Variants in RSBN1L observed in about 807,000 individuals in gnomAD.
The protein encoded by RSBN1L is lysine-specific demethylase RSBN1L.
A neutral mutation model predicts 67.7 loss-of-function variants in RSBN1L; 30 were observed. The ratio of observed to expected loss-of-function variants is 0.44; its 90% CI spans 0.33 to 0.60. The LOEUF (loss-of-function observed/expected upper bound fraction) is 0.60. RSBN1L is among the 20% of genes least tolerant of loss of function. RSBN1L has a pLI of 0.02. For synonymous variants in RSBN1L, 433 were observed against 387.0 expected, an observed-to-expected ratio of 1.12 and a Z score of -1.39; for missense variants, 992 against 1,031.7, an observed-to-expected ratio of 0.96 and a Z score of 0.53.
chr7:77,765,658 A>G (rs369971649), intron 4 of RSBN1L, 26 bp downstream of exon 4: 10 of 1,514,040 alleles, frequency 6.6e-6, no homozygotes, highest in Non-Finnish European at 7.1e-6. Context: ...TCATGGGATT[A>G]GAGTTTTTTT....
At chr7:77,746,668 G>A (rs1489532046) in intron 2 of RSBN1L, among the ~76,000 whole-genome samples, 1 of 152,124 alleles carries the variant, frequency 6.6e-6, no homozygotes, top group African/African-American at 2.4e-5. Context: ...AGTCTCATTT[G>A]AGACAAGGCC....
At chr7:77,700,061 C>T (rs550586280) in intron 1 of RSBN1L, among the ~76,000 whole-genome samples, 2 of 152,238 alleles carry the variant, frequency 1.3e-5, no homozygotes, top group Non-Finnish European at 2.9e-5. Flanking sequence ...TCCCAAAGTG[C>T]TGAGATTACA....
chr7:77,705,726 G>A (rs1014354362), intron 1 of RSBN1L, among the ~76,000 whole-genome samples: 7 of 151,720 alleles, frequency 4.6e-5, no homozygotes, highest in African/African-American at 1.2e-4. Context: ...TGACCAGGCT[G>A]GTCTTGAACT....
intron 1 of RSBN1L, among the ~76,000 whole-genome samples, chr7:77,715,933 T>A (rs1791042662): frequency 6.6e-6 from 1 of 152,198 alleles, no homozygotes; most frequent in South Asian, 2.1e-4. Flanking sequence ...AAAGTGTCTG[T>A]TATTGGGTTG....
At chr7:77,745,178 T>C (rs1270308625) in intron 2 of RSBN1L, among the ~76,000 whole-genome samples, 3 of 152,002 alleles carry the variant, frequency 2.0e-5, no homozygotes, top group African/African-American at 7.3e-5. Context: ...GGAGAATCAC[T>C]TGAACCCGGG....
intron 1 of RSBN1L, among the ~76,000 whole-genome samples, chr7:77,718,653 G>T (rs1053652018): frequency 6.6e-6 from 1 of 152,122 alleles, no homozygotes; most frequent in Admixed American, 6.5e-5. Flanking sequence ...TGCATGTCTT[G>T]TATATACTTA....
chr7:77,728,614 C>T (rs1791236726), intron 1 of RSBN1L, among the ~76,000 whole-genome samples: 1 of 152,214 alleles, frequency 6.6e-6, no homozygotes, highest in Non-Finnish European at 1.5e-5. Context: ...CCTGGGCTGT[C>T]TCTAGCTGCC....
intron 1 of RSBN1L, among the ~76,000 whole-genome samples, chr7:77,701,994 G>T (rs1173433820): frequency 6.8e-6 from 1 of 147,456 alleles, no homozygotes; most frequent in Non-Finnish European, 1.5e-5. Flanking sequence ...TTTTTGAGAC[G>T]GTCTTGTACT....
intron 2 of RSBN1L, among the ~76,000 whole-genome samples, chr7:77,742,180 A>AAAAACAC (rs1554340015): frequency 1.2e-5 from 1 of 82,178 alleles, no homozygotes. Flanking sequence ...AAAAAAAAAA[A>AAAAACAC]ATACACACAC....
At chr7:77,728,776 T>G (rs1386521589) in intron 1 of RSBN1L, among the ~76,000 whole-genome samples, 3 of 152,124 alleles carry the variant, frequency 2.0e-5, no homozygotes, top group African/African-American at 7.2e-5. Flanking sequence ...TCTTGGGGGA[T>G]TTTTCTATGG....
intron 1 of RSBN1L, among the ~76,000 whole-genome samples, chr7:77,719,286 T>G (rs1221348065): frequency 6.6e-6 from 1 of 151,412 alleles, no homozygotes; most frequent in Non-Finnish European, 1.5e-5. Flanking sequence ...ATGTAGAACT[T>G]TAATTGGTTG....
rs1376414798 is a variant in RSBN1L, at chr7:77,696,802, C to T, written c.333C>T (p.Ala111=). The T allele has an allele frequency of 6.2e-7, 1 of 1,613,650 alleles. No homozygotes were observed. Among genetic ancestry groups the T allele is most frequent in the Non-Finnish European group, 8.5e-7 (1 of 1,180,016 alleles). ...RSSFSFSAGT[A]VPSSASASLS... ...GTTTCTCTTTCTCCGCTGGCACGGCCGTTCCCTCCTCAGCCTCCGCTTCCT... is the reference window on the plus strand; with the variant it reads ...GTTTCTCTTTCTCCGCTGGCACGGCTGTTCCCTCCTCAGCCTCCGCTTCCT... Residue 111 remains alanine, a synonymous_variant, in exon 1 of 8, where the codon GCC becomes GCT. Coordinates refer to ENST00000334955, the MANE Select transcript of RSBN1L (RefSeq NM_198467.3).
chr7:77,746,160 A>G (rs764933098), intron 2 of RSBN1L, among the ~76,000 whole-genome samples: 6 of 152,190 alleles, frequency 3.9e-5, no homozygotes, highest in Non-Finnish European at 8.8e-5. Flanking sequence ...TCGCACTTCT[A>G]TAAAGAAGTA....
intron 2 of RSBN1L, among the ~76,000 whole-genome samples, chr7:77,745,661 G>A (rs1052399567): frequency 2.6e-5 from 4 of 152,320 alleles, no homozygotes; most frequent in South Asian, 2.1e-4. Context: ...CTGATTTCAC[G>A]GAAGACAGTG....
At position 77,718,972 on chromosome 7, in the gene RSBN1L, C is replaced by G. The variant is rs528583001; in HGVS notation, c.587-17438C>G. Among the ~76,000 whole-genome samples the G allele has an allele frequency of 4.2e-4, 64 of 152,290 alleles. 1 individual carries two copies. The highest frequency in any genetic ancestry group is 1.5e-3 in the African/African-American group (61 of 41,550). On this transcript the variant is annotated intron_variant, in intron 1 of 7. Transcript: ENST00000334955. ...TAGATACTGAACTGAGTGAACCCTT[C>G]TCTTTCTCCAAGTTGTTTCAGGACC...
In RSBN1L at chr7:77,745,850, A is replaced by G. The variant is rs1327173727; in HGVS notation, c.704-3574A>G. Among the ~76,000 whole-genome samples the G allele has an allele frequency of 2.0e-5, 3 of 152,330 alleles. No individual in the cohort carries two copies. In the East Asian group the frequency reaches 5.8e-4, roughly 29 times the overall value. On this transcript the variant is annotated intron_variant, in intron 2 of 7. Coordinates refer to ENST00000334955, the MANE Select transcript of RSBN1L (RefSeq NM_198467.3). ...TGTATTTGGAGCAGCTCCCAGCACT[A>G]GTATCATCTCAGATCGTTAGGCATT...
chr7:77,697,244 G>C (rs1790749637), intron 1 of RSBN1L, 189 bp downstream of exon 1: 2 of 498,400 alleles, frequency 4.0e-6, no homozygotes, highest in Non-Finnish European at 6.2e-6. Flanking sequence ...TGTAATTTCG[G>C]TTGCAGAGAG....
chr7:77,776,736 A>C (rs536468534), intron 6 of RSBN1L, among the ~76,000 whole-genome samples: 62 of 151,958 alleles, frequency 4.1e-4, no homozygotes, highest in Middle Eastern at 3.4e-3. Flanking sequence ...CCTTCTTCTT[A>C]TTTGTATTTA....
chr7:77,701,250 T>C (rs1053915450), intron 1 of RSBN1L, among the ~76,000 whole-genome samples: 12 of 152,070 alleles, frequency 7.9e-5, no homozygotes, highest in South Asian at 2.1e-4. Context: ...TTGTTTCCTC[T>C]TTAGGCCTGC....
Sources: allele counts gnomAD v4.1 joint callset (sites outside exome capture counted in the v4.1 genomes callset), GRCh38; gene constraint gnomAD v4.1.1; transcripts MANE v1.5; gene names NCBI Gene and HGNC (gene_info 2026-07-23, HGNC 2026-07-21).